CLIP2: variants seen among roughly 807,000 people sequenced by gnomAD.
CLIP2 encodes the protein CAP-Gly domain-containing linker protein 2.
CLIP2 carries 41 observed loss-of-function variants against 111.7 expected under a neutral mutation model. The ratio of observed to expected loss-of-function variants is 0.37; its 90% confidence interval spans 0.29 to 0.48. CLIP2 has a LOEUF of 0.48. CLIP2 is among the 20% of genes least tolerant of loss of function. CLIP2 has a pLI of 0.99. For missense variants in CLIP2, 1,160 were observed against 1,422.1 expected (o/e 0.82, Z 2.96); for synonymous variants, 660 against 644.2 (o/e 1.02, Z -0.37).
At chr7:74,387,132 G>A (rs782349404) in intron 12 of CLIP2, among the ~76,000 whole-genome samples, 2 of 151,478 alleles carry the variant, frequency 1.3e-5, no homozygotes, top group South Asian at 2.1e-4. Context: ...ATGCCTCCCC[G>A]CCAGCTTCTG....
In CLIP2 at chr7:74,344,484, C is replaced by T. The variant is rs114070464; in HGVS notation, c.678+5480C>T. Among the ~76,000 whole-genome samples, 839 of 152,198 alleles carry T rather than the reference C, an allele frequency of 5.5e-3. 7 individuals carry two copies. The highest frequency in any genetic ancestry group is 0.019 in the African/African-American group (773 of 41,522). On this transcript the variant is annotated intron_variant, in intron 3 of 16. Coordinates refer to ENST00000223398, the MANE Select transcript of CLIP2 (RefSeq NM_003388.5). ...GCAGCCTCAAACTCTTAGGCTCAAGCGATCCTCCTGCCTCAACTTCTCGAG... is the reference window on the plus strand; with the variant it reads ...GCAGCCTCAAACTCTTAGGCTCAAGTGATCCTCCTGCCTCAACTTCTCGAG...
intron 10 of CLIP2, among the ~76,000 whole-genome samples, chr7:74,378,332 T>C (rs782561084): frequency 3.3e-4 from 48 of 143,312 alleles, no homozygotes; most frequent in Non-Finnish European, 5.1e-4. Flanking sequence ...TTCCTCATGT[T>C]GCCCAGGCTG....
At chr7:74,336,998 G>T (rs1554732239) in intron 2 of CLIP2, among the ~76,000 whole-genome samples, 1 of 150,490 alleles carries the variant, frequency 6.6e-6, no homozygotes, top group African/African-American at 2.5e-5. Context: ...CAATTCTCCT[G>T]TCTCAGCCTC....
At chr7:74,402,329 CAA>C in intron 16 of CLIP2, among the ~76,000 whole-genome samples, 1 of 43,174 alleles carries the variant, frequency 2.3e-5, no homozygotes, top group East Asian at 6.2e-4. Flanking sequence ...GACTCCATCT[CAA>C]AAAAAAAAAA....
intron 11 of CLIP2, chr7:74,381,504 C>A: frequency 4.8e-6 from 2 of 417,916 alleles, no homozygotes; most frequent in Admixed American, 2.7e-5. Context: ...ACTTTAAAAA[C>A]AGGTCTAAAC....
chr7:74,387,396 A>G (rs1273831662), intron 12 of CLIP2, among the ~76,000 whole-genome samples: 6 of 152,074 alleles, frequency 3.9e-5, no homozygotes, highest in Admixed American at 3.9e-4. Flanking sequence ...TTACAGGCGC[A>G]CACCACCACA....
chr7:74,381,583 C>T (rs536319900), intron 11 of CLIP2: 25 of 455,816 alleles, frequency 5.5e-5, no homozygotes, highest in African/African-American at 1.6e-4. Flanking sequence ...TCCCTGAAGG[C>T]GCAGTGTTAG....
chr7:74,374,340 G>A (rs956103182), intron 9 of CLIP2, among the ~76,000 whole-genome samples: 8 of 152,192 alleles, frequency 5.3e-5, no homozygotes, highest in Non-Finnish European at 8.8e-5. Flanking sequence ...AAGACTGAAC[G>A]CACAAACTGA....
intron 7 of CLIP2, 47 bp downstream of exon 7, chr7:74,360,325 G>C: frequency 7.0e-7 from 1 of 1,433,156 alleles, no homozygotes; most frequent in Non-Finnish European, 9.6e-7. Context: ...CCCTTAAGGA[G>C]GATGAGGAAG....
intron 3 of CLIP2, among the ~76,000 whole-genome samples, chr7:74,342,113 C>A (rs1181516272): frequency 6.6e-6 from 1 of 152,154 alleles, no homozygotes; most frequent in Non-Finnish European, 1.5e-5. Context: ...TGGTGGTTCA[C>A]ACCTGTAATC....
intron 3 of CLIP2, among the ~76,000 whole-genome samples, chr7:74,344,916 A>G (rs1051557102): frequency 6.6e-6 from 1 of 152,070 alleles, no homozygotes; most frequent in Non-Finnish European, 1.5e-5. Context: ...GGCCCTACCC[A>G]AGGAGGAGAC....
intron 8 of CLIP2, among the ~76,000 whole-genome samples, chr7:74,370,272 T>C (rs1240848217): frequency 6.6e-6 from 1 of 151,168 alleles, no homozygotes; most frequent in Non-Finnish European, 1.5e-5. Flanking sequence ...CTGGCTACCA[T>C]GGTGAAACCC....
chr7:74,362,805 G>C (rs1790369494), intron 7 of CLIP2, among the ~76,000 whole-genome samples: 1 of 152,110 alleles, frequency 6.6e-6, no homozygotes, highest in Non-Finnish European at 1.5e-5. Flanking sequence ...AAAGTGCTGG[G>C]ATTATAGGCA....
At chr7:74,395,203 A>G (rs1212609631) in intron 13 of CLIP2, among the ~76,000 whole-genome samples, 1 of 150,214 alleles carries the variant, frequency 6.7e-6, no homozygotes, top group Non-Finnish European at 1.5e-5. Context: ...TCTGTGACCC[A>G]GGCTGGAGTG....
In CLIP2 at chr7:74,306,001, G is replaced by A. The variant is rs1004677136; in HGVS notation, c.-67-11479G>A. ...CCCCTCAGCCTGATTGCTGGGGCAC[G>A]TCCAGGAGACCCTGCCTGTCTCTCA... is the stretch of plus-strand genomic sequence containing the variant. On this transcript the variant is annotated intron_variant, in intron 1 of 16. Coordinates refer to ENST00000223398, the MANE Select transcript of CLIP2 (RefSeq NM_003388.5). 2.0e-5 allele frequency among the ~76,000 whole-genome samples: 3 copies of A among 152,058 alleles called. No individual in the cohort carries two copies. The East Asian group carries it at 5.8e-4, about 30-fold the overall frequency.
At position 74,291,077 on chromosome 7, in the gene CLIP2, G is replaced by T. The variant is rs1788002035; in HGVS notation, c.-68+1343G>T. On this transcript the variant is annotated intron_variant, in intron 1 of 16. Coordinates refer to ENST00000223398, the MANE Select transcript of CLIP2 (RefSeq NM_003388.5). ...CAGAAAAGGAGGCTATTGGGTTAGA[G>T]AAACAGCTTAGGATTTAAGGAACTT... Among the ~76,000 whole-genome samples, 3 of 152,212 alleles carry T rather than the reference G, an allele frequency of 2.0e-5. No homozygotes were observed. The South Asian group carries it at 6.2e-4, about 31-fold the overall frequency.
intron 13 of CLIP2, among the ~76,000 whole-genome samples, chr7:74,390,122 AAGAG>A (rs1166051106): frequency 1.3e-4 from 16 of 127,980 alleles, no homozygotes; most frequent in Admixed American, 4.3e-4. Flanking sequence ...AAAGAAAGAA[AAGAG>A]AGAGAGAGAG....
rs544066970 is a variant in CLIP2 at position 74,299,248 on chromosome 7, C to T, written c.-68+9514C>T. 9.9e-5 allele frequency among the ~76,000 whole-genome samples: 15 copies of T among 152,080 alleles called. No individual in the cohort carries two copies. In the East Asian group the frequency reaches 2.3e-3, roughly 24 times the overall value. On this transcript the variant is annotated intron_variant, in intron 1 of 16. Transcript: ENST00000223398. ...GCTGAGGTGGGAGGATTGCTTGACC[C>T]CAGGAGTTTGAGGCTGCAGTGAGCT... is the stretch of plus-strand genomic sequence containing the variant.
intron 2 of CLIP2, among the ~76,000 whole-genome samples, chr7:74,321,146 G>A (rs891473864): frequency 6.6e-6 from 1 of 152,102 alleles, no homozygotes; most frequent in African/African-American, 2.4e-5. Flanking sequence ...GGGATCAAGC[G>A]AGTTAATGAA....
Sources: gnomAD v4.1 joint callset for allele counts (sites outside exome capture counted in the v4.1 genomes callset) on GRCh38, gnomAD v4.1.1 for gene constraint, MANE v1.5 for transcripts, NCBI Gene and HGNC (gene_info 2026-07-23, HGNC 2026-07-21) for gene names.